Variants in MILR1 observed in about 807,000 individuals in gnomAD.
MILR1 encodes the protein mast cell immunoglobulin like receptor 1.
In MILR1, 31 loss-of-function variants were observed where a neutral mutation model predicts 18.5. That is an observed-to-expected ratio of 1.68 (90% CI 1.26 to 2.26). The LOEUF (loss-of-function observed/expected upper bound fraction) is 2.26. Ranked by LOEUF, MILR1 falls within the 30% of genes most tolerant of loss-of-function variation. The pLI, the probability that MILR1 is intolerant of heterozygous loss-of-function variation, is 0.00. For synonymous variants in MILR1, 85 were observed against 56.2 expected, an observed-to-expected ratio of 1.51 and a Z score of -2.30; for missense variants, 257 against 157.4, an observed-to-expected ratio of 1.63 and a Z score of -3.38.
intron 4 of MILR1, among the ~76,000 whole-genome samples, chr17:64,458,021 C>A (rs1405202559): frequency 2.6e-5 from 4 of 152,278 alleles, no homozygotes; most frequent in South Asian, 4.1e-4. Context: ...AAACTTTCTG[C>A]CCTGCCTTTC....
the MILR1 span, among the ~76,000 whole-genome samples, chr17:64,476,388 T>C: frequency 6.6e-6 from 1 of 152,080 alleles, no homozygotes; most frequent in Non-Finnish European, 1.5e-5. Flanking sequence ...CTTGAAATAA[T>C]ATTCAAGGAG....
chr17:64,458,354 A>G (rs1200240171), intron 4 of MILR1, among the ~76,000 whole-genome samples: 2 of 151,910 alleles, frequency 1.3e-5, no homozygotes, highest in African/African-American at 2.4e-5. Flanking sequence ...CTGGGACTAC[A>G]GGCACCCGCC....
chr17:64,453,662 A>C (rs1326493272), intron 3 of MILR1, among the ~76,000 whole-genome samples: 1 of 146,342 alleles, frequency 6.8e-6, no homozygotes, highest in African/African-American at 2.5e-5. Flanking sequence ...CTGCCTAGCC[A>C]CATCTCACTA....
At chr17:64,496,967 ATCTC>A in the MILR1 span, 1 of 1,604,482 alleles carries the variant, frequency 6.2e-7, no homozygotes. Flanking sequence ...ACGAGAGCGC[ATCTC>A]TCTCCGAAGT....
chr17:64,464,923 CA>C (rs1177783952), intron 5 of MILR1, among the ~76,000 whole-genome samples: 1 of 151,570 alleles, frequency 6.6e-6, no homozygotes, highest in Non-Finnish European at 1.5e-5. Flanking sequence ...GACTCCGTCT[CA>C]AAAAAATACA....
chr17:64,473,294 T>C (rs1455609346), downstream of MILR1, among the ~76,000 whole-genome samples: 1 of 147,252 alleles, frequency 6.8e-6, no homozygotes, highest in Non-Finnish European at 1.5e-5. Flanking sequence ...GAGCTTGCAG[T>C]GAGCCCAGAT....
At chr17:64,491,763 C>A in the MILR1 span, 1 of 680,652 alleles carries the variant, frequency 1.5e-6, no homozygotes, top group Non-Finnish European at 2.6e-6. Flanking sequence ...GGAGCTCAAG[C>A]ACGAGCGGCT....
chr17:64,464,060 G>T (rs1018896401), intron 5 of MILR1, among the ~76,000 whole-genome samples: 2 of 150,862 alleles, frequency 1.3e-5, no homozygotes, highest in South Asian at 4.2e-4. Context: ...CTGACCTCGT[G>T]ATCCGCCCAC....
chr17:64,492,725 C>T, the MILR1 span: 3 of 1,613,422 alleles, frequency 1.9e-6, no homozygotes, highest in Non-Finnish European at 2.5e-6. Flanking sequence ...GTTTGAAGTT[C>T]TCGGAGGAGT....
intron 3 of MILR1, among the ~76,000 whole-genome samples, chr17:64,455,699 A>G (rs1025284417): frequency 6.9e-6 from 1 of 145,666 alleles, no homozygotes; most frequent in Non-Finnish European, 1.5e-5. Context: ...TGACCTCGTG[A>G]TCTGCCCACC....
Position 64,452,710 on chromosome 17 carries a change from C to A in MILR1, c.211C>A (p.Arg71=). The change falls in exon 3 of 10, where the codon CGA becomes AGA. Residue 71 remains arginine, a synonymous_variant. Coordinates refer to ENST00000619286, the MANE Select transcript of MILR1 (RefSeq NM_001085423.2). ...KSLQITYSLF[R]RKTHLGTQDG... is the part of the protein sequence containing the mutation. The stretch of plus-strand genomic sequence containing the variant: ...ACTGCAGATCACCTATTCATTGTTT[C>A]GACGTAAGACACACCTGGGAACCCA... 1 of 475,016 alleles carries A rather than the reference C, an allele frequency of 2.1e-6. No homozygotes were observed. The highest frequency in any genetic ancestry group is 3.2e-5 in the Admixed American group (1 of 31,676). 29.4% of individuals were successfully genotyped at this position (475,016 alleles called of 1,614,324 possible). A position where few individuals can be genotyped will look rare whatever the true frequency, so the allele number is the denominator to read the frequency against.
the MILR1 span, chr17:64,492,626 TTATG>T: frequency 8.7e-7 from 1 of 1,153,082 alleles, no homozygotes; most frequent in Non-Finnish European, 1.3e-6. Flanking sequence ...TTAAGACAAT[TTATG>T]TATTAACTAT....
chr17:64,483,032 G>C, the MILR1 span: 1 of 1,067,046 alleles, frequency 9.4e-7, no homozygotes. Context: ...GGAGAAGACA[G>C]GAAAGGGGAA....
chr17:64,466,512 G>A lies in MILR1; in HGVS notation c.910+14G>A, dbSNP rs782727873. On this transcript the variant is annotated intron_variant, in intron 7 of 9. Coordinates refer to ENST00000619286, the MANE Select transcript of MILR1 (RefSeq NM_001085423.2). ...CAGCCCAAGATGGTGAGCATGTTCT[G>A]CAGAGTCTATTCCACTGCCCTCATG... 3 of 1,613,292 alleles carry A rather than the reference G, an allele frequency of 1.9e-6. No individual in the cohort carries two copies. The highest frequency in any genetic ancestry group is 2.2e-5 in the East Asian group (1 of 44,874).
At chr17:64,449,922 ATTTCTTTC>A (rs1253200155) in intron 2 of MILR1, among the ~76,000 whole-genome samples, 5 of 147,696 alleles carry the variant, frequency 3.4e-5, no homozygotes, top group Middle Eastern at 3.5e-3. Flanking sequence ...TTTGACCTTA[ATTTCTTTC>A]TTTCTTTCTT....
At chr17:64,485,814 G>C in the MILR1 span, 1 of 1,613,270 alleles carries the variant, frequency 6.2e-7, no homozygotes, top group Non-Finnish European at 8.5e-7. Flanking sequence ...CCTCGGTCTA[G>C]GTCCCCATTT....
At chr17:64,487,896 C>T in the MILR1 span, among the ~76,000 whole-genome samples, 7 of 151,940 alleles carry the variant, frequency 4.6e-5, no homozygotes, top group African/African-American at 1.7e-4. Flanking sequence ...ATTGGATATC[C>T]AACAATGTCA....
chr17:64,468,433 T>A lies in MILR1; in HGVS notation c.*152T>A. The A allele has an allele frequency of 5.2e-6, 2 of 386,482 alleles. No individual in the cohort carries two copies. The highest frequency in any genetic ancestry group is 1.0e-5 in the Non-Finnish European group (2 of 198,296). 23.9% of individuals were successfully genotyped at this position (386,482 alleles called of 1,614,324 possible). On this transcript the variant is annotated 3_prime_UTR_variant, in exon 10 of 10. Coordinates refer to ENST00000619286, the MANE Select transcript of MILR1 (RefSeq NM_001085423.2). ...CCTCCCGAGTAGCTGGGATTACAGG[T>A]GCCCGCTACCACGCCCAGCTAATTT...
intron 8 of MILR1, among the ~76,000 whole-genome samples, chr17:64,467,010 CTTT>C (rs1185542873): frequency 6.8e-6 from 1 of 146,506 alleles, no homozygotes; most frequent in East Asian, 2.0e-4. Context: ...TTTATTTTTT[CTTT>C]TTCTTTCTTT....
Sources: gnomAD v4.1 joint callset for allele counts (sites outside exome capture counted in the v4.1 genomes callset) on GRCh38, gnomAD v4.1.1 for gene constraint, MANE v1.5 for transcripts, NCBI Gene and HGNC (gene_info 2026-07-23, HGNC 2026-07-21) for gene names.